The following PRKCH variants were observed in gnomAD, a reference collection of about 807,000 sequenced individuals.
PRKCH encodes the protein protein kinase C eta type.
PRKCH carries 28 observed loss-of-function variants against 82.5 expected under a neutral mutation model. That is an observed-to-expected ratio of 0.34 (90% CI 0.25 to 0.47). The LOEUF (loss-of-function observed/expected upper bound fraction) is 0.47. Ranked by LOEUF, PRKCH falls within the 20% of genes least tolerant of loss-of-function variation. PRKCH has a pLI of 1.00. For synonymous variants in PRKCH, 322 were observed against 327.4 expected (o/e 0.98, Z 0.18); for missense variants, 705 against 881.8 (o/e 0.80, Z 2.54).
chr14:61,456,044 A>C (rs1884750736), intron 7 of PRKCH, among the ~76,000 whole-genome samples: 2 of 152,236 alleles, frequency 1.3e-5, no homozygotes, highest in Admixed American at 1.3e-4. Context: ...TTCCATTTGC[A>C]GGAAGTTATC....
intron 10 of PRKCH, among the ~76,000 whole-genome samples, chr14:61,525,386 A>T (rs1302997259): frequency 1.3e-5 from 2 of 152,156 alleles, no homozygotes; most frequent in African/African-American, 4.8e-5. Context: ...TACAGTTCTG[A>T]GAATGCCTAA....
Position 61,280,690 on chromosome 14 carries a change from C to G in PRKCH, c.-19+93022C>G. The G allele has an allele frequency of 6.3e-7, 1 of 1,577,852 alleles. No homozygotes were observed. Among genetic ancestry groups the G allele is most frequent in the Non-Finnish European group, 8.6e-7 (1 of 1,164,440 alleles). ...GGGCGCGATGGGCAGGCCGGCCGCG[C>G]TGCGCTGGTAGGGGGCGCACTCGTT... On this transcript the variant is annotated intron_variant, in intron 1 of 3. Transcript: ENST00000555185. The surrounding 1 kb of genome is among the most constrained non-coding windows in gnomAD (Gnocchi z 5.0).
intron 2 of PRKCH, among the ~76,000 whole-genome samples, chr14:61,413,659 TTCTC>T (rs1882403788): frequency 6.6e-6 from 1 of 152,114 alleles, no homozygotes; most frequent in Admixed American, 6.5e-5. Context: ...CTCATTTTCT[TTCTC>T]TGATCTGTAA....
chr14:61,465,097 T>C (rs1221212378), intron 9 of PRKCH, among the ~76,000 whole-genome samples: 1 of 152,266 alleles, frequency 6.6e-6, no homozygotes, highest in Non-Finnish European at 1.5e-5. Context: ...ATTAAGTTGT[T>C]TGAGTTTCCT....
At chr14:61,326,742 A>G (rs545507544) in intron 1 of PRKCH, among the ~76,000 whole-genome samples, 15 of 152,216 alleles carry the variant, frequency 9.9e-5, no homozygotes, top group Non-Finnish European at 1.8e-4. Flanking sequence ...GAAAATATTT[A>G]TGAGAATGGG....
At chr14:61,370,819 A>G (rs368923364) in intron 1 of PRKCH, among the ~76,000 whole-genome samples, 1 of 152,056 alleles carries the variant, frequency 6.6e-6, no homozygotes, top group Non-Finnish European at 1.5e-5. Context: ...TACTCATAGA[A>G]AACTCTTGGG....
chr14:61,328,327 T>C (rs946401663), intron 1 of PRKCH, among the ~76,000 whole-genome samples: 1 of 144,266 alleles, frequency 6.9e-6, no homozygotes, highest in Non-Finnish European at 1.5e-5. Flanking sequence ...TGGTAATGGA[T>C]TGAAAACCTT....
chr14:61,241,769 T>G (rs2044840348), intron 1 of PRKCH, among the ~76,000 whole-genome samples: 1 of 152,216 alleles, frequency 6.6e-6, no homozygotes, highest in Non-Finnish European at 1.5e-5. Flanking sequence ...GTAAGTTCCA[T>G]GTCCTCTTTG....
Position 61,459,333 on chromosome 14 carries a change from C to T in PRKCH, c.1278+1654C>T, listed in dbSNP as rs139961874. On this transcript the variant is annotated intron_variant, in intron 9 of 13. Transcript: ENST00000332981. ...AAGGTAAAGCCATGCTGGGACCAAA[C>T]GAGTGAATTAGAATTAGTTAGGCAG... Among the ~76,000 whole-genome samples the T allele has an allele frequency of 3.6e-3, 552 of 152,312 alleles. 7 individuals carry two copies. The highest frequency in any genetic ancestry group is 0.012 in the African/African-American group (496 of 41,556).
chr14:61,294,201 A>T (rs1319817518), intron 1 of PRKCH, among the ~76,000 whole-genome samples: 2 of 151,884 alleles, frequency 1.3e-5, no homozygotes, highest in South Asian at 4.2e-4. Context: ...GCTCACTGCA[A>T]GCTCCACCTC....
chr14:61,212,120 A>G (rs1276516751), intron 1 of PRKCH, among the ~76,000 whole-genome samples: 1 of 152,220 alleles, frequency 6.6e-6, no homozygotes, highest in Non-Finnish European at 1.5e-5. Context: ...GCTGTGGTCT[A>G]GCAAGCCTGT....
intron 7 of PRKCH, among the ~76,000 whole-genome samples, chr14:61,453,580 T>C (rs902718700): frequency 2.0e-5 from 3 of 151,178 alleles, no homozygotes; most frequent in East Asian, 1.9e-4. Context: ...CCCTTTTTTT[T>C]CTCTCTCTCT....
intron 9 of PRKCH, among the ~76,000 whole-genome samples, chr14:61,481,199 C>T (rs999364422): frequency 3.9e-5 from 6 of 152,214 alleles, no homozygotes; most frequent in South Asian, 2.1e-4. Flanking sequence ...CAGGCCCTGG[C>T]GTACCACGTG....
At chr14:61,377,620 A>G (rs1353731776) in intron 1 of PRKCH, among the ~76,000 whole-genome samples, 1 of 152,162 alleles carries the variant, frequency 6.6e-6, no homozygotes, top group African/African-American at 2.4e-5. Context: ...TATGTAACTA[A>G]AGGGTTGTGA....
chr14:61,195,932 A>G (rs1347287896), intron 1 of PRKCH, among the ~76,000 whole-genome samples: 1 of 152,146 alleles, frequency 6.6e-6, no homozygotes, highest in Non-Finnish European at 1.5e-5. Context: ...TTCGGCATAT[A>G]AATTTTGGGG....
At chr14:61,385,631 C>T (rs1013808296) in intron 1 of PRKCH, among the ~76,000 whole-genome samples, 1 of 152,154 alleles carries the variant, frequency 6.6e-6, no homozygotes, top group Non-Finnish European at 1.5e-5. Context: ...CTCAGCCTGA[C>T]TTCACCCTTT....
chr14:61,229,276 G>A (rs2044721935), intron 1 of PRKCH, among the ~76,000 whole-genome samples: 1 of 152,178 alleles, frequency 6.6e-6, no homozygotes, highest in South Asian at 2.1e-4. Context: ...AAGATTCATT[G>A]AGGGTTGGTG....
chr14:61,549,806 A>C lies in PRKCH; in HGVS notation c.2027A>C (p.Tyr676Ser). The change falls in exon 14 of 14, where the codon TAT (tyrosine) becomes TCT (serine). Residue 676 changes from tyrosine (Y) to serine (S), a missense_variant. Coordinates refer to ENST00000332981, the MANE Select transcript of PRKCH (RefSeq NM_006255.5). ...INQDEFRNFSYVSPELQP is the reference protein window; with the variant it reads ...INQDEFRNFSSVSPELQP ...CAGGATGAGTTTAGAAACTTTTCCT[A>C]TGTGTCTCCAGAATTGCAACCATAG... 6.2e-7 allele frequency: 1 copy of C among 1,614,080 alleles called. No homozygotes were observed. The highest frequency in any genetic ancestry group is 8.5e-7 in the Non-Finnish European group (1 of 1,180,012).
intron 13 of PRKCH, among the ~76,000 whole-genome samples, chr14:61,549,247 C>G (rs577462750): frequency 6.6e-6 from 1 of 152,324 alleles, no homozygotes; most frequent in South Asian, 2.1e-4. Context: ...TTGGGAAGAT[C>G]TCTTCAAATG....
Sources: allele counts gnomAD v4.1 joint callset (sites outside exome capture counted in the v4.1 genomes callset), GRCh38; gene constraint gnomAD v4.1.1; non-coding constraint Gnocchi (gnomAD v3.1); transcripts MANE v1.5; gene names NCBI Gene and HGNC (gene_info 2026-07-23, HGNC 2026-07-21).